GASK1A: variants seen among roughly 807,000 people sequenced by gnomAD.
The protein encoded by GASK1A is golgi associated kinase 1A.
Under a neutral mutation model 41.2 loss-of-function variants are expected in GASK1A, and 40 were observed. The ratio of observed to expected loss-of-function variants is 0.97; its 90% CI spans 0.75 to 1.27. The LOEUF is 1.27. GASK1A is among the 50% of genes most tolerant of loss of function. The pLI, the probability that GASK1A is intolerant of heterozygous loss-of-function variation, is 0.00. For synonymous variants in GASK1A, 316 were observed against 307.1 expected, an observed-to-expected ratio of 1.03 and a Z score of -0.30; for missense variants, 678 against 745.1, an observed-to-expected ratio of 0.91 and a Z score of 1.05.
chr3:43,032,405 G>A lies in GASK1A; in HGVS notation c.142G>A (p.Glu48Lys). 1 of 1,551,542 alleles carries A rather than the reference G, an allele frequency of 6.4e-7. No homozygotes were observed. The highest frequency in any genetic ancestry group is 8.7e-7 in the Non-Finnish European group (1 of 1,146,868). The part of the protein sequence containing the change: ...PSAGPDPGPM[E>K]PQGVTGAPAT... The stretch of plus-strand genomic sequence containing the variant: ...CGCCGGCCCAGACCCTGGTCCCATG[G>A]AGCCTCAGGGGGTAACTGGCGCCCC... Residue 48 changes from glutamate to lysine, a missense_variant, in exon 2 of 5, where the codon GAG becomes AAG. Transcript: ENST00000430121.
chr3:43,053,713 G>A (rs2089703172), intron 3 of GASK1A, 70 bp downstream of exon 3: 2 of 1,517,528 alleles, frequency 1.3e-6, no homozygotes, highest in African/African-American at 2.8e-5. Flanking sequence ...AGAAGATGCT[G>A]TTAACAAGTT....
At chr3:43,002,561 C>T (rs2089414653) in intron 1 of GASK1A, among the ~76,000 whole-genome samples, 1 of 152,110 alleles carries the variant, frequency 6.6e-6, no homozygotes, top group African/African-American at 2.4e-5. Flanking sequence ...ATATTGCAGT[C>T]ACCAGCCACA....
chr3:42,983,506 C>T (rs1670333567), intron 1 of GASK1A, among the ~76,000 whole-genome samples: 1 of 152,052 alleles, frequency 6.6e-6, no homozygotes, highest in African/African-American at 2.4e-5. Flanking sequence ...GAAAACCCAG[C>T]CTGCAGATGT....
intron 2 of GASK1A, among the ~76,000 whole-genome samples, chr3:43,050,090 T>G (rs1352295439): frequency 6.6e-6 from 1 of 152,188 alleles, no homozygotes; most frequent in Non-Finnish European, 1.5e-5. Flanking sequence ...CTTTTATGTT[T>G]ATCTATGTAG....
intron 1 of GASK1A, among the ~76,000 whole-genome samples, chr3:43,005,398 G>T (rs2089430985): frequency 6.6e-6 from 1 of 152,292 alleles, no homozygotes; most frequent in East Asian, 1.9e-4. Flanking sequence ...TTTGTGTGTT[G>T]TACTGAGTAG....
rs1273439715 is a variant in GASK1A, at chr3:42,984,470, C to T, written c.3+4825C>T. Among the ~76,000 whole-genome samples, 2 of 152,130 alleles carry T rather than the reference C, an allele frequency of 1.3e-5. No homozygotes were observed. The highest frequency in any genetic ancestry group is 2.9e-5 in the Non-Finnish European group (2 of 68,032). On this transcript the variant is annotated intron_variant, in intron 1 of 4. Transcript: ENST00000430121. This position sits in a 1 kb window ranked among gnomAD's most constrained non-coding sequence, Gnocchi z 4.2. Reference sequence around the variant, plus strand: ...TTCCCCAGAGTCCAGCCTGTGGCTCCAGAACTGCCAGCTGAGTGGAAGATG... The same window carrying T: ...TTCCCCAGAGTCCAGCCTGTGGCTCTAGAACTGCCAGCTGAGTGGAAGATG...
At chr3:42,996,971 G>T (rs1301035295) in intron 1 of GASK1A, among the ~76,000 whole-genome samples, 2 of 152,234 alleles carry the variant, frequency 1.3e-5, no homozygotes, top group African/African-American at 2.4e-5. Flanking sequence ...CTGGAGCAGA[G>T]AGCTGGCAGC....
rs1328538848 is a variant in GASK1A, at chr3:43,041,056, A to G, written c.1290+7503A>G. On this transcript the variant is annotated intron_variant, in intron 2 of 4. Coordinates refer to ENST00000430121, the MANE Select transcript of GASK1A (RefSeq NM_001129908.3). ...ATGTCCCTACAAAGGACATGAACTC[A>G]TCATTTTTTATGGCTGCATAGTATT... 4.0e-5 allele frequency among the ~76,000 whole-genome samples: 6 copies of G among 150,254 alleles called. No individual in the cohort carries two copies. The East Asian group carries it at 7.8e-4, about 20-fold the overall frequency.
chr3:42,987,467 G>T (rs2089317998), intron 1 of GASK1A, among the ~76,000 whole-genome samples: 2 of 152,016 alleles, frequency 1.3e-5, no homozygotes, highest in African/African-American at 4.8e-5. Context: ...AGTGGGGGGA[G>T]GGGGTACTAT....
intron 1 of GASK1A, among the ~76,000 whole-genome samples, chr3:43,011,803 C>T (rs1575440668): frequency 6.8e-6 from 1 of 146,438 alleles, no homozygotes; most frequent in African/African-American, 2.6e-5. Flanking sequence ...TGTGTGAAGC[C>T]ACAGGGTCAG....
intron 3 of GASK1A, chr3:43,053,848 T>C (rs2089703877): frequency 2.8e-6 from 2 of 704,760 alleles, no homozygotes; most frequent in Non-Finnish European, 5.0e-6. Context: ...AGAATGTGCC[T>C]GAGGAGGGGT....
At chr3:42,988,714 A>G (rs1322837308) in intron 1 of GASK1A, among the ~76,000 whole-genome samples, 1 of 152,210 alleles carries the variant, frequency 6.6e-6, no homozygotes, top group Non-Finnish European at 1.5e-5. Flanking sequence ...GGGTTTCGTC[A>G]GTGTTGTTGC....
chr3:43,049,461 A>T (rs1313592565), intron 2 of GASK1A, among the ~76,000 whole-genome samples: 1 of 152,216 alleles, frequency 6.6e-6, no homozygotes, highest in Non-Finnish European at 1.5e-5. Flanking sequence ...TTGGTTACCC[A>T]AAGTTCAGGA....
intron 1 of GASK1A, among the ~76,000 whole-genome samples, chr3:42,992,505 A>G (rs1477169760): frequency 6.6e-6 from 1 of 152,210 alleles, no homozygotes; most frequent in Non-Finnish European, 1.5e-5. Flanking sequence ...GCCTGGAGGC[A>G]TAGCAAGGCC....
chr3:42,991,080 C>T (rs943966839), intron 1 of GASK1A, among the ~76,000 whole-genome samples: 17 of 152,274 alleles, frequency 1.1e-4, no homozygotes, highest in Admixed American at 3.9e-4. Context: ...AGGCCACTGG[C>T]TGGGGAAAGT....
intron 1 of GASK1A, among the ~76,000 whole-genome samples, chr3:43,004,626 C>T (rs2089425845): frequency 6.6e-6 from 1 of 152,160 alleles, no homozygotes; most frequent in Non-Finnish European, 1.5e-5. Flanking sequence ...TATTTATTCA[C>T]TCCCCTCTAT....
intron 1 of GASK1A, among the ~76,000 whole-genome samples, chr3:42,995,431 G>T (rs2089364167): frequency 4.6e-5 from 7 of 152,140 alleles, no homozygotes; most frequent in Admixed American, 4.6e-4. Context: ...AGGGAAGCCG[G>T]AAATCTGAAT....
chr3:43,021,404 C>T lies in GASK1A; in HGVS notation c.4-10863C>T, dbSNP rs369969606. Among the ~76,000 whole-genome samples, 13 of 152,240 alleles carry T rather than the reference C, an allele frequency of 8.5e-5. No individual in the cohort carries two copies. The East Asian group carries it at 1.4e-3, about 16-fold the overall frequency. On this transcript the variant is annotated intron_variant, in intron 1 of 4. Coordinates refer to ENST00000430121, the MANE Select transcript of GASK1A (RefSeq NM_001129908.3). The stretch of plus-strand genomic sequence containing the variant: ...GCCCAGGTGGCTTCCTCCTGGCTGA[C>T]GCTTGTGGTTTTACAATGAAAGAGC...
rs1295250063 is a variant in GASK1A, at chr3:43,033,509, C to T, written c.1246C>T (p.His416Tyr). The change falls in exon 2 of 5, where the codon CAT (histidine) becomes TAT (tyrosine). Residue 416 changes from histidine (H) to tyrosine (Y), a missense_variant. His to Tyr is a moderately conservative substitution (Grantham distance 83, BLOSUM62 2). Transcript: ENST00000430121. ...CCAGGCCCCGTGCCCGGGCATCCAC[C>T]ATACCGAGTGGGCACGCCTGGCGCT... ...PGQAPCPGIH[H>Y]TEWARLALFD... is the part of the protein sequence containing the mutation. 1.9e-6 allele frequency: 3 copies of T among 1,548,326 alleles called. No individual in the cohort carries two copies. The highest frequency in any genetic ancestry group is 2.4e-5 in the South Asian group (2 of 83,896).
Sources: allele counts gnomAD v4.1 joint callset (sites outside exome capture counted in the v4.1 genomes callset), GRCh38; gene constraint gnomAD v4.1.1; non-coding constraint Gnocchi (gnomAD v3.1); transcripts MANE v1.5; gene names NCBI Gene and HGNC (gene_info 2026-07-23, HGNC 2026-07-21).